SYNDIG1: variants seen among roughly 807,000 people sequenced by gnomAD.
The protein encoded by SYNDIG1 is synapse differentiation inducing 1.
A neutral mutation model predicts 19.4 loss-of-function variants in SYNDIG1; 9 were observed. The observed-to-expected ratio is 0.46, with a 90% CI of 0.28 to 0.81. The LOEUF is 0.81. Ranked by LOEUF, SYNDIG1 falls within the 30% of genes least tolerant of loss-of-function variation. SYNDIG1 has a pLI of 0.12. For synonymous variants in SYNDIG1, 141 were observed against 145.9 expected (o/e 0.97, Z 0.24); for missense variants, 311 against 343.3 (o/e 0.91, Z 0.74).
At chr20:24,610,865 C>T (rs947391908) in intron 3 of SYNDIG1, among the ~76,000 whole-genome samples, 1 of 152,198 alleles carries the variant, frequency 6.6e-6, no homozygotes, top group African/African-American at 2.4e-5. Flanking sequence ...AGGCCACTCT[C>T]GGCACCTTTG....
At chr20:24,565,424 A>G (rs1051498774) in intron 2 of SYNDIG1, among the ~76,000 whole-genome samples, 19 of 152,292 alleles carry the variant, frequency 1.2e-4, no homozygotes, top group Middle Eastern at 3.4e-3. Context: ...CTGGTGGTGG[A>G]GGGTGCTGGG....
intron 3 of SYNDIG1, among the ~76,000 whole-genome samples, chr20:24,624,643 G>T (rs971840089): frequency 6.6e-6 from 1 of 152,192 alleles, no homozygotes; most frequent in Non-Finnish European, 1.5e-5. Flanking sequence ...AGAGAGAAAA[G>T]TAGTGAAGAT....
intron 1 of SYNDIG1, among the ~76,000 whole-genome samples, chr20:24,538,773 G>GT (rs35891354): frequency 0.56 from 83,306 of 148,512 alleles, 23,273 homozygotes; most frequent in East Asian, 0.68. Context: ...GTTATTTTCC[G>GT]TTTTTTTTTT....
chr20:24,622,728 C>A (rs1169649431), intron 3 of SYNDIG1, among the ~76,000 whole-genome samples: 1 of 152,134 alleles, frequency 6.6e-6, no homozygotes, highest in Non-Finnish European at 1.5e-5. Context: ...AAAAGGTTGG[C>A]AACCACTAGT....
intron 1 of SYNDIG1, among the ~76,000 whole-genome samples, chr20:24,524,412 G>A (rs547173443): frequency 4.9e-4 from 75 of 152,264 alleles, no homozygotes; most frequent in African/African-American, 1.7e-3. Context: ...TTGGGAGGCC[G>A]AGGCGGGTGG....
At chr20:24,495,584 T>G (rs572377879) in intron 1 of SYNDIG1, 1 of 152,306 alleles carries the variant, frequency 6.6e-6, no homozygotes. Flanking sequence ...AGCAGCAATG[T>G]GCATAGCTGG....
At chr20:24,573,531 AAAG>A (rs1332499907) in intron 2 of SYNDIG1, among the ~76,000 whole-genome samples, 1 of 152,220 alleles carries the variant, frequency 6.6e-6, no homozygotes, top group Non-Finnish European at 1.5e-5. Context: ...CGAGAATGAA[AAAG>A]AAGGAGAAAA....
intron 1 of SYNDIG1, among the ~76,000 whole-genome samples, chr20:24,515,280 A>G (rs997642341): frequency 6.6e-6 from 1 of 152,190 alleles, no homozygotes; most frequent in Non-Finnish European, 1.5e-5. Flanking sequence ...AAGATCAGAG[A>G]AGAACTGAAG....
intron 1 of SYNDIG1, among the ~76,000 whole-genome samples, chr20:24,471,913 A>T (rs2055476958): frequency 6.6e-6 from 1 of 152,258 alleles, no homozygotes; most frequent in Non-Finnish European, 1.5e-5. Context: ...CCCCATAAAC[A>T]TACACAATTA....
At chr20:24,592,728 C>G (rs2058532754) in intron 3 of SYNDIG1, among the ~76,000 whole-genome samples, 1 of 152,208 alleles carries the variant, frequency 6.6e-6, no homozygotes, top group South Asian at 2.1e-4. Context: ...ATCCTCACAC[C>G]TCAGCCTCCC....
In SYNDIG1 at chr20:24,518,731, C is replaced by T. The variant is rs186522085; in HGVS notation, c.-78-24289C>T. ...AGGGCCCTAAGGCCATCACAGAGGA[C>T]GTATCTCCATATTCACCACTTGAGC... On this transcript the variant is annotated intron_variant, in intron 1 of 3. Coordinates refer to ENST00000376862, the MANE Select transcript of SYNDIG1 (RefSeq NM_024893.3). Among the ~76,000 whole-genome samples the T allele has an allele frequency of 3.0e-3, 454 of 152,314 alleles. 2 individuals are homozygous for T. Among genetic ancestry groups the T allele is most frequent in the African/African-American group, 0.01 (432 of 41,576 alleles).
chr20:24,649,963 T>A (rs1181681848), intron 3 of SYNDIG1, among the ~76,000 whole-genome samples: 1 of 152,246 alleles, frequency 6.6e-6, no homozygotes, highest in African/African-American at 2.4e-5. Context: ...CCCTATGGCA[T>A]ACACTCATCT....
chr20:24,504,339 T>C (rs2056533498), intron 1 of SYNDIG1, among the ~76,000 whole-genome samples: 1 of 149,938 alleles, frequency 6.7e-6, no homozygotes, highest in African/African-American at 2.5e-5. Context: ...GATTGTGGCA[T>C]AGGTAGCCCG....
At chr20:24,548,828 T>A (rs1035864922) in intron 2 of SYNDIG1, among the ~76,000 whole-genome samples, 1 of 152,214 alleles carries the variant, frequency 6.6e-6, no homozygotes, top group Admixed American at 6.5e-5. Flanking sequence ...TGAAAGGTGA[T>A]GTTTTTGTAG....
intron 1 of SYNDIG1, among the ~76,000 whole-genome samples, chr20:24,470,294 G>A (rs1396128808): frequency 6.6e-6 from 1 of 152,220 alleles, no homozygotes; most frequent in East Asian, 1.9e-4. Flanking sequence ...AAGGGAAACA[G>A]ACTAATTCTC....
intron 2 of SYNDIG1, among the ~76,000 whole-genome samples, chr20:24,580,966 G>A (rs1024625398): frequency 2.6e-5 from 4 of 152,164 alleles, no homozygotes; most frequent in South Asian, 4.1e-4. Flanking sequence ...GACTAAGATC[G>A]GGAAAACCTC....
At chr20:24,527,298 C>T (rs570424652) in intron 1 of SYNDIG1, among the ~76,000 whole-genome samples, 1 of 152,184 alleles carries the variant, frequency 6.6e-6, no homozygotes, top group Admixed American at 6.5e-5. Context: ...CCATATCTTC[C>T]GTTGTGTTTT....
chr20:24,644,956 A>G (rs904830290), intron 3 of SYNDIG1, among the ~76,000 whole-genome samples: 5 of 152,242 alleles, frequency 3.3e-5, no homozygotes, highest in Admixed American at 6.5e-5. Context: ...TTCAGCTTAC[A>G]GATGAGGAAA....
chr20:24,601,165 C>T (rs1027050889), intron 3 of SYNDIG1, among the ~76,000 whole-genome samples: 57 of 152,276 alleles, frequency 3.7e-4, no homozygotes, highest in African/African-American at 1.3e-3. Context: ...TTAAACCAAC[C>T]TTGCATTCCT....
Sources: allele counts gnomAD v4.1 joint callset (sites outside exome capture counted in the v4.1 genomes callset), GRCh38; gene constraint gnomAD v4.1.1; transcripts MANE v1.5; gene names NCBI Gene and HGNC (gene_info 2026-07-23, HGNC 2026-07-21).